Variants in GPC5 observed in about 807,000 individuals in gnomAD.
The protein encoded by GPC5 is glypican-5.
A neutral mutation model predicts 53.9 loss-of-function variants in GPC5; 47 were observed. That is an observed-to-expected ratio of 0.87 (90% CI 0.69 to 1.11). The LOEUF is 1.11. Ranked by LOEUF, GPC5 falls within the 50% of genes most tolerant of loss-of-function variation. The pLI, the probability that GPC5 is intolerant of heterozygous loss-of-function variation, is 0.00. For missense variants in GPC5, 748 were observed against 713.1 expected (o/e 1.05, Z -0.56); for synonymous variants, 286 against 263.3 (o/e 1.09, Z -0.84).
intron 7 of GPC5, among the ~76,000 whole-genome samples, chr13:92,812,724 G>T (rs971710648): frequency 6.6e-6 from 1 of 151,778 alleles, no homozygotes; most frequent in South Asian, 2.1e-4. Flanking sequence ...ACATCCACAA[G>T]AAATCTTACT....
intron 5 of GPC5, among the ~76,000 whole-genome samples, chr13:91,826,829 A>G (rs1594599288): frequency 6.6e-6 from 1 of 152,048 alleles, no homozygotes. Context: ...TTGTGTGTGT[A>G]TGTATGTGCA....
At chr13:92,614,705 A>C (rs1341272935) in intron 7 of GPC5, among the ~76,000 whole-genome samples, 1 of 152,210 alleles carries the variant, frequency 6.6e-6, no homozygotes, top group Non-Finnish European at 1.5e-5. Context: ...TGTTGCAAGT[A>C]ATTTAGCTTC....
At chr13:91,482,866 T>G (rs1483989557) in intron 2 of GPC5, among the ~76,000 whole-genome samples, 78 of 110,614 alleles carry the variant, frequency 7.1e-4, no homozygotes, top group African/African-American at 3.3e-3. Context: ...GAATGCAGGT[T>G]TTTTTTTTTT....
At chr13:92,657,589 T>G (rs1178116613) in intron 7 of GPC5, among the ~76,000 whole-genome samples, 1 of 148,164 alleles carries the variant, frequency 6.7e-6, no homozygotes, top group African/African-American at 2.5e-5. Context: ...GTTTTTTTTT[T>G]TTTTTTTTTT....
chr13:92,627,931 G>C (rs1260720961), intron 7 of GPC5, among the ~76,000 whole-genome samples: 1 of 152,200 alleles, frequency 6.6e-6, no homozygotes, highest in Non-Finnish European at 1.5e-5. Context: ...TTCCTGGACA[G>C]TATATTTTTC....
intron 7 of GPC5, among the ~76,000 whole-genome samples, chr13:92,218,128 A>G (rs1461903227): frequency 1.3e-5 from 2 of 151,806 alleles, no homozygotes; most frequent in East Asian, 1.9e-4. Flanking sequence ...GCGTCTTGCT[A>G]TGTTGCCCAG....
chr13:91,854,618 T>C (rs1043490625), intron 5 of GPC5, among the ~76,000 whole-genome samples: 2 of 151,710 alleles, frequency 1.3e-5, no homozygotes, highest in Non-Finnish European at 3.0e-5. Flanking sequence ...ATAGTTTTGA[T>C]TTTTAAAAGA....
At chr13:92,272,603 C>T (rs925569955) in intron 7 of GPC5, among the ~76,000 whole-genome samples, 1 of 152,108 alleles carries the variant, frequency 6.6e-6, no homozygotes, top group Non-Finnish European at 1.5e-5. Flanking sequence ...GTGTAATTAT[C>T]AGTCTCTTGC....
At chr13:92,681,406 C>A (rs1887107097) in intron 7 of GPC5, among the ~76,000 whole-genome samples, 1 of 151,614 alleles carries the variant, frequency 6.6e-6, no homozygotes. Context: ...TTTAGGAAAT[C>A]CATCCCCACC....
At chr13:91,622,434 A>G (rs1332919233) in intron 2 of GPC5, among the ~76,000 whole-genome samples, 1 of 152,136 alleles carries the variant, frequency 6.6e-6, no homozygotes, top group Non-Finnish European at 1.5e-5. Context: ...GGCTTTTTAT[A>G]TGTTAGGCAA....
At chr13:92,793,142 T>C (rs966340626) in intron 7 of GPC5, among the ~76,000 whole-genome samples, 1 of 151,814 alleles carries the variant, frequency 6.6e-6, no homozygotes, top group Non-Finnish European at 1.5e-5. Context: ...GAAGTAAAGC[T>C]CTCCTCAGCA....
chr13:92,546,753 C>A (rs1220064298), intron 7 of GPC5, among the ~76,000 whole-genome samples: 1 of 152,176 alleles, frequency 6.6e-6, no homozygotes, highest in East Asian at 1.9e-4. Context: ...CATCACGCTA[C>A]CTGACTTCAA....
intron 7 of GPC5, among the ~76,000 whole-genome samples, chr13:92,724,745 T>C (rs1888589772): frequency 1.3e-5 from 2 of 151,538 alleles, no homozygotes; most frequent in Non-Finnish European, 3.0e-5. Flanking sequence ...TCAATGAGCA[T>C]AAAGTTTCAG....
At chr13:91,990,750 C>A (rs1342947028) in intron 6 of GPC5, among the ~76,000 whole-genome samples, 1 of 152,148 alleles carries the variant, frequency 6.6e-6, no homozygotes, top group African/African-American at 2.4e-5. Flanking sequence ...AGAACTGTCA[C>A]CAGGAGGCAT....
At chr13:92,626,213 G>A (rs1566327948) in intron 7 of GPC5, among the ~76,000 whole-genome samples, 1 of 152,092 alleles carries the variant, frequency 6.6e-6, no homozygotes, top group Admixed American at 6.6e-5. Context: ...ATAATCTCCT[G>A]GGAGGAAAAT....
At chr13:91,779,132 G>T (rs2037757255) in intron 5 of GPC5, among the ~76,000 whole-genome samples, 1 of 151,666 alleles carries the variant, frequency 6.6e-6, no homozygotes. Flanking sequence ...CACTACTGTA[G>T]ATATTATAAA....
At chr13:91,749,847 A>G (rs979005303) in intron 4 of GPC5, among the ~76,000 whole-genome samples, 4 of 152,212 alleles carry the variant, frequency 2.6e-5, no homozygotes, top group Admixed American at 6.5e-5. Context: ...TCGCTGCTCT[A>G]TAGCCCAGGC....
intron 7 of GPC5, among the ~76,000 whole-genome samples, chr13:92,545,549 GTTC>G (rs1336412811): frequency 6.6e-6 from 1 of 152,140 alleles, no homozygotes; most frequent in Non-Finnish European, 1.5e-5. Flanking sequence ...GTGTAAAAGT[GTTC>G]TTATTTCTCC....
chr13:92,563,973 A>T (rs1276245891), intron 7 of GPC5, among the ~76,000 whole-genome samples: 1 of 133,052 alleles, frequency 7.5e-6, no homozygotes, highest in African/African-American at 3.1e-5. Context: ...CATTATTTCC[A>T]ACTACTATGC....
Sources: gnomAD v4.1 joint callset for allele counts (sites outside exome capture counted in the v4.1 genomes callset) on GRCh38, gnomAD v4.1.1 for gene constraint, MANE v1.5 for transcripts, NCBI Gene and HGNC (gene_info 2026-07-23, HGNC 2026-07-21) for gene names.